The following HS6ST1 variants were observed in gnomAD, a reference collection of about 807,000 sequenced individuals.
The protein encoded by HS6ST1 is heparan sulfate 6-O-sulfotransferase 1, also known as heparan-sulfate 6-O-sulfotransferase 1.
A neutral mutation model predicts 25.2 loss-of-function variants in HS6ST1; 3 were observed. That is an observed-to-expected ratio of 0.12 (90% confidence interval 0.05 to 0.31). The LOEUF is 0.31. Among genes scored for constraint, HS6ST1 ranks in the 10% least tolerant of loss-of-function variants. The pLI, the probability that HS6ST1 is intolerant of heterozygous loss-of-function variation, is 1.00. For missense variants in HS6ST1, 310 were observed against 609.6 expected (o/e 0.51, Z 5.18); for synonymous variants, 204 against 275.1 (o/e 0.74, Z 2.56).
intron 1 of HS6ST1, among the ~76,000 whole-genome samples, chr2:128,291,226 C>G (rs1693947049): frequency 6.6e-6 from 1 of 152,236 alleles, no homozygotes; most frequent in Non-Finnish European, 1.5e-5. Context: ...TAGTGAGTAC[C>G]CCGTGCAGGC....
At position 128,267,351 on chromosome 2, in the gene HS6ST1, C is replaced by G. The variant is rs1230515359; in HGVS notation, c.*811G>C. 1 of 147,832 alleles carries G rather than the reference C, an allele frequency of 6.8e-6. No individual in the cohort carries two copies. The highest frequency in any genetic ancestry group is 1.5e-5 in the Non-Finnish European group (1 of 66,092). The allele number at this position is 147,832 out of a possible 1,614,324, so 9.2% of individuals were successfully genotyped here. ...CCTCCAAGGGCCAGCCGCGGACTCACGCACAAGTGGCAGCATCCCTGGCCA... is the reference window on the plus strand; with the variant it reads ...CCTCCAAGGGCCAGCCGCGGACTCAGGCACAAGTGGCAGCATCCCTGGCCA... On this transcript the variant is annotated 3_prime_UTR_variant, in exon 2 of 2. Coordinates refer to ENST00000259241, the MANE Select transcript of HS6ST1 (RefSeq NM_004807.3).
intron 1 of HS6ST1, among the ~76,000 whole-genome samples, chr2:128,274,933 G>A (rs146995992): frequency 0.012 from 1,545 of 131,388 alleles, 26 homozygotes; most frequent in African/African-American, 0.042. Context: ...AGCTGAGATC[G>A]CATCTGGGTG....
At position 128,283,958 on chromosome 2, in the gene HS6ST1, C is replaced by T. The variant is rs1693823443; in HGVS notation, c.528-15088G>A. 3.3e-5 allele frequency among the ~76,000 whole-genome samples: 5 copies of T among 152,208 alleles called. 1 individual carries two copies. In the South Asian group the frequency reaches 1.0e-3, roughly 31 times the overall value. ...ACCCCACAACTGTAAATCCCACATT[C>T]CAGGTCAAGAAATGGAGGCTGGGTG... is the stretch of plus-strand genomic sequence containing the variant. On this transcript the variant is annotated intron_variant, in intron 1 of 1. Coordinates refer to ENST00000259241, the MANE Select transcript of HS6ST1 (RefSeq NM_004807.3).
chr2:128,299,216 C>T (rs1054732083), intron 1 of HS6ST1, among the ~76,000 whole-genome samples: 4 of 152,254 alleles, frequency 2.6e-5, no homozygotes, highest in Admixed American at 1.3e-4. Context: ...CCTTGCTCTG[C>T]ACCACAACTC....
intron 1 of HS6ST1, among the ~76,000 whole-genome samples, chr2:128,305,398 G>A (rs1021893327): frequency 3.3e-5 from 5 of 152,206 alleles, no homozygotes; most frequent in Admixed American, 3.3e-4. Context: ...GTGCCGACAA[G>A]CGGCCCTGCC....
chr2:128,318,023 G>T lies in HS6ST1; in HGVS notation c.527+14C>A. On this transcript the variant is annotated intron_variant, in intron 1 of 1. Transcript: ENST00000259241. This position sits in a 1 kb window ranked among gnomAD's most constrained non-coding sequence, Gnocchi z 5.7. ...GGCGCAGCTGCGCGAGGATCCCGCC[G>T]CCCGGGCGCTCACCTGGGCGTGCGC... The T allele has an allele frequency of 1.4e-6, 2 of 1,460,880 alleles. No individual in the cohort carries two copies. The highest frequency in any genetic ancestry group is 8.9e-7 in the Non-Finnish European group (1 of 1,118,320). The allele number at this position is 1,460,880 out of a possible 1,614,324, so 90.5% of individuals were successfully genotyped here.
At chr2:128,307,152 G>A (rs1573708511) in intron 1 of HS6ST1, among the ~76,000 whole-genome samples, 1 of 152,168 alleles carries the variant, frequency 6.6e-6, no homozygotes, top group South Asian at 2.1e-4. Flanking sequence ...AAATCGCTGT[G>A]AGGGGCCCTG....
chr2:128,271,833 C>A (rs1465651887), intron 1 of HS6ST1, among the ~76,000 whole-genome samples: 1 of 152,234 alleles, frequency 6.6e-6, no homozygotes, highest in African/African-American at 2.4e-5. Context: ...CAGCCGCACA[C>A]AGTGGTCTGA....
intron 1 of HS6ST1, among the ~76,000 whole-genome samples, chr2:128,284,653 A>G (rs1255713087): frequency 1.3e-5 from 2 of 151,896 alleles, no homozygotes; most frequent in Non-Finnish European, 2.9e-5. Flanking sequence ...ATACCCAGCT[A>G]ATTTTTGTAT....
chr2:128,269,265 A>G (rs1029454431), intron 1 of HS6ST1, among the ~76,000 whole-genome samples: 3 of 152,264 alleles, frequency 2.0e-5, no homozygotes, highest in Admixed American at 6.5e-5. Flanking sequence ...ACTCAGCAGG[A>G]ACAGAAGGTG....
chr2:128,290,937 G>A (rs764474911), intron 1 of HS6ST1, among the ~76,000 whole-genome samples: 3 of 151,682 alleles, frequency 2.0e-5, no homozygotes, highest in East Asian at 1.9e-4. Flanking sequence ...AGCGGAGATC[G>A]TGTCATAGCA....
intron 1 of HS6ST1, among the ~76,000 whole-genome samples, chr2:128,274,958 CG>C (rs1367284920): frequency 8.4e-6 from 1 of 118,618 alleles, no homozygotes; most frequent in African/African-American, 3.7e-5. Flanking sequence ...AGCGAGACTC[CG>C]TCTCAAAAAA....
chr2:128,265,984 C>T lies in HS6ST1; in HGVS notation c.*2178G>A, dbSNP rs1255542198. ...GCCGCCTCTGGACACCTCAGCCCGG[C>T]GCTGGCCCGAGAGGAGACTGCTTTC... On this transcript the variant is annotated 3_prime_UTR_variant, in exon 2 of 2. Transcript: ENST00000259241. 6 of 151,702 alleles carry T rather than the reference C, an allele frequency of 4.0e-5. No homozygotes were observed. Among genetic ancestry groups the T allele is most frequent in the Admixed American group, 2.6e-4 (4 of 15,238 alleles). The allele number at this position is 151,702 out of a possible 1,614,324, so 9.4% of individuals were successfully genotyped here. A position where few individuals can be genotyped will look rare whatever the true frequency, so the allele number is the denominator to read the frequency against.
chr2:128,304,874 T>C (rs938426607), intron 1 of HS6ST1, among the ~76,000 whole-genome samples: 1 of 152,168 alleles, frequency 6.6e-6, no homozygotes, highest in Non-Finnish European at 1.5e-5. Flanking sequence ...TGGGCTGCAC[T>C]GGGGAGGGCG....
At chr2:128,277,746 T>C (rs1693717610) in intron 1 of HS6ST1, among the ~76,000 whole-genome samples, 1 of 152,204 alleles carries the variant, frequency 6.6e-6, no homozygotes, top group South Asian at 2.1e-4. Context: ...GCCTTGAGTG[T>C]GAAACTCACA....
Position 128,268,359 on chromosome 2 carries a change from G to A in HS6ST1, c.1039C>T (p.Leu347=), listed in dbSNP as rs759640883. 1 of 1,613,690 alleles carries A rather than the reference G, an allele frequency of 6.2e-7. No homozygotes were observed. Among genetic ancestry groups the A allele is most frequent in the Non-Finnish European group, 8.5e-7 (1 of 1,179,874 alleles). ...AAGAGGTCCTTGGCGTAGTCGTACA[G>A]CTGCATGTCCAGGTCGTTGAGCTCC... ...IEELNDLDMQ[L]YDYAKDLFQQ... Residue 347 remains leucine, a synonymous_variant, in exon 2 of 2, where the codon CTG becomes TTG. Coordinates refer to ENST00000259241, the MANE Select transcript of HS6ST1 (RefSeq NM_004807.3).
At chr2:128,300,717 C>T (rs1194067152) in intron 1 of HS6ST1, among the ~76,000 whole-genome samples, 1 of 152,198 alleles carries the variant, frequency 6.6e-6, no homozygotes, top group Non-Finnish European at 1.5e-5. Context: ...CAACTTCTGC[C>T]CGGCAGCATC....
chr2:128,273,758 T>A (rs1334421868), intron 1 of HS6ST1, among the ~76,000 whole-genome samples: 1 of 152,260 alleles, frequency 6.6e-6, no homozygotes, highest in Non-Finnish European at 1.5e-5. Flanking sequence ...CATCTGCTGT[T>A]TACTCTCCAG....
At chr2:128,310,289 C>T (rs967696218) in intron 1 of HS6ST1, among the ~76,000 whole-genome samples, 1 of 151,944 alleles carries the variant, frequency 6.6e-6, no homozygotes, top group Non-Finnish European at 1.5e-5. Context: ...CGGCGTGTCA[C>T]CCCCACAGGC....
Sources: allele counts gnomAD v4.1 joint callset (sites outside exome capture counted in the v4.1 genomes callset), GRCh38; gene constraint gnomAD v4.1.1; non-coding constraint Gnocchi (gnomAD v3.1); transcripts MANE v1.5; gene names NCBI Gene and HGNC (gene_info 2026-07-23, HGNC 2026-07-21).